The following TTC3 variants were observed in gnomAD, a reference collection of about 807,000 sequenced individuals.
TTC3 encodes E3 ubiquitin-protein ligase TTC3.
Under a neutral mutation model 249.6 loss-of-function variants are expected in TTC3, and 180 were observed. The ratio of observed to expected loss-of-function variants is 0.72; its 90% CI spans 0.64 to 0.82. The LOEUF (loss-of-function observed/expected upper bound fraction) is 0.82, where lower values mean the gene tolerates loss of function less well. TTC3 is among the 40% of genes least tolerant of loss of function. The pLI, the probability that TTC3 is intolerant of heterozygous loss-of-function variation, is 0.00. For missense variants in TTC3, 2,061 were observed against 2,398.4 expected, an observed-to-expected ratio of 0.86 and a Z score of 2.94; for synonymous variants, 717 against 805.0, an observed-to-expected ratio of 0.89 and a Z score of 1.85.
chr21:37,150,264 G>A (rs2079341155), intron 24 of TTC3, 94 bp downstream of exon 24: 1 of 890,518 alleles, frequency 1.1e-6, no homozygotes. Context: ...ATGTAATTTG[G>A]ATCTTTTCCA....
intron 41 of TTC3, among the ~76,000 whole-genome samples, 191 bp downstream of exon 41, chr21:37,192,404 T>G (rs1217173310): frequency 6.6e-6 from 1 of 152,162 alleles, no homozygotes; most frequent in East Asian, 1.9e-4. Context: ...GATCAGTCTT[T>G]CTACATCTGT....
chr21:37,158,863 C>T (rs1234166042), intron 28 of TTC3, among the ~76,000 whole-genome samples: 1 of 152,102 alleles, frequency 6.6e-6, no homozygotes, highest in African/African-American at 2.4e-5. Context: ...CTGTCCACCC[C>T]ACTTCCCGAG....
intron 44 of TTC3, among the ~76,000 whole-genome samples, chr21:37,199,341 G>T (rs1004222072): frequency 1.3e-5 from 2 of 152,238 alleles, no homozygotes; most frequent in African/African-American, 4.8e-5. Context: ...CCTTCAAGGC[G>T]CTCAGAGTTA....
intron 11 of TTC3, among the ~76,000 whole-genome samples, chr21:37,118,966 G>A (rs1356799148): frequency 1.3e-5 from 2 of 152,020 alleles, no homozygotes; most frequent in Non-Finnish European, 2.9e-5. Context: ...AACACATAGG[G>A]GATAGTTATA....
chr21:37,193,145 C>T (rs886323105), intron 41 of TTC3, among the ~76,000 whole-genome samples: 5 of 152,256 alleles, frequency 3.3e-5, no homozygotes, highest in African/African-American at 1.2e-4. Context: ...TGACTTCCAC[C>T]CTCCCACTAC....
In TTC3 at chr21:37,096,493, A is replaced by C. The variant is rs979804733; in HGVS notation, c.783-88A>C. On this transcript the variant is annotated intron_variant, in intron 9 of 45. Transcript: ENST00000355666. ...CCACACATATGTAAAGTTTAAAAAAAGTTTTCTCATGCCTTATGTTTTCTA... is the reference window on the plus strand; with the variant it reads ...CCACACATATGTAAAGTTTAAAAAACGTTTTCTCATGCCTTATGTTTTCTA... 10 of 1,040,686 alleles carry C rather than the reference A, an allele frequency of 9.6e-6. No individual in the cohort carries two copies. The African/African-American group carries it at 1.6e-4, about 17-fold the overall frequency. The allele number at this position is 1,040,686 out of a possible 1,614,324, so 64.5% of individuals were successfully genotyped here.
At chr21:37,129,663 C>G (rs193268296) in intron 16 of TTC3, among the ~76,000 whole-genome samples, 7 of 152,078 alleles carry the variant, frequency 4.6e-5, no homozygotes, top group African/African-American at 1.7e-4. Context: ...TAGGGTCTTG[C>G]TCTATCACTT....
chr21:37,090,138 A>G, intron 5 of TTC3, 95 bp from the exon 6 acceptor site: 1 of 827,466 alleles, frequency 1.2e-6, no homozygotes, highest in Non-Finnish European at 2.0e-6. Context: ...GAGTACATAT[A>G]GTAGTGTTCC....
chr21:37,188,756 A>T (rs970456853), intron 39 of TTC3, 161 bp downstream of exon 39: 1 of 463,058 alleles, frequency 2.2e-6, no homozygotes, highest in Non-Finnish European at 3.8e-6. Flanking sequence ...AACAAAAATG[A>T]TAAAAATCAT....
At chr21:37,108,565 T>A in intron 11 of TTC3, 119 bp downstream of exon 11, 1 of 951,842 alleles carries the variant, frequency 1.1e-6, no homozygotes, top group Non-Finnish European at 1.6e-6. Context: ...AGCTCCAGAA[T>A]GTGAAAGGGG....
At position 37,115,174 on chromosome 21, in the gene TTC3, TATA is replaced by T. The variant is rs1246754731; in HGVS notation, c.901-6617_901-6615del. On this transcript the variant is annotated intron_variant, in intron 11 of 45. Transcript: ENST00000355666. Reference sequence around the variant, plus strand: ...TGCACATGTACCCTAAAACTTAAAGTATAATAATAATAATAATAATAATAATAA... The same window carrying T: ...TGCACATGTACCCTAAAACTTAAAGTATAATAATAATAATAATAATAATAA... Among the ~76,000 whole-genome samples, 511 of 144,492 alleles carry T rather than the reference TATA, an allele frequency of 3.5e-3. 3 individuals are homozygous for T. The highest frequency in any genetic ancestry group is 9.0e-3 in the African/African-American group (357 of 39,456). 94.8% of individuals were successfully genotyped at this position (144,492 alleles called of 152,430 possible).
In TTC3 at chr21:37,200,343, C is replaced by T; in HGVS notation, c.5943+19C>T. The T allele has an allele frequency of 6.2e-7, 1 of 1,611,234 alleles. No individual in the cohort carries two copies. Among genetic ancestry groups the T allele is most frequent in the East Asian group, 2.2e-5 (1 of 44,848 alleles). On this transcript the variant is annotated intron_variant, in intron 45 of 45. Coordinates refer to ENST00000355666, the Ensembl canonical transcript of TTC3. ...CAAAGGGGTAAGAGCTCTTTTTGGC[C>T]ATCCTTACAGCATGCATTGGGACCT...
intron 1 of TTC3, among the ~76,000 whole-genome samples, chr21:37,078,102 C>A (rs527962727): frequency 9.2e-5 from 14 of 151,996 alleles, no homozygotes; most frequent in African/African-American, 3.4e-4. Flanking sequence ...TGAATTGGCC[C>A]TCTGTTCACC....
intron 22 of TTC3, 44 bp downstream of exon 22, chr21:37,147,647 T>G: frequency 6.4e-7 from 1 of 1,562,918 alleles, no homozygotes; most frequent in Non-Finnish European, 8.6e-7. Context: ...GCAAAATCAT[T>G]TCTTAAAATG....
chr21:37,080,120 C>T lies in TTC3; in HGVS notation c.-12+6756C>T, dbSNP rs192060272. On this transcript the variant is annotated intron_variant, in intron 1 of 45. Coordinates refer to ENST00000355666, the Ensembl canonical transcript of TTC3. ...ACTTAATATTAATTTTCAACCATTC[C>T]GATTTCCTAGTATAAGCATGCAAGA... Among the ~76,000 whole-genome samples the T allele has an allele frequency of 4.9e-3, 745 of 151,740 alleles. 9 individuals are homozygous for T. The highest frequency in any genetic ancestry group is 0.017 in the African/African-American group (696 of 41,400).
intron 35 of TTC3, among the ~76,000 whole-genome samples, chr21:37,180,994 T>C (rs1450035511): frequency 6.6e-6 from 1 of 152,220 alleles, no homozygotes. Context: ...AACTGTAATA[T>C]AGCAGATACA....
In TTC3 at chr21:37,096,658, A is replaced by C. The variant is rs2835600; in HGVS notation, c.845+15A>C. The C allele has an allele frequency of 3.1e-6, 5 of 1,594,800 alleles. No individual in the cohort carries two copies. The African/African-American group carries it at 6.7e-5, about 21-fold the overall frequency. ...GGACAGTTTAGGTAAGTTGGTTAAAATATCTCAACCACTGAATTATTATGC... is the reference window on the plus strand; with the variant it reads ...GGACAGTTTAGGTAAGTTGGTTAAACTATCTCAACCACTGAATTATTATGC... On this transcript the variant is annotated intron_variant, in intron 10 of 45. Coordinates refer to ENST00000355666, the Ensembl canonical transcript of TTC3.
At chr21:37,195,605 C>A in intron 41 of TTC3, 70 bp from the exon 42 acceptor site, 1 of 1,521,778 alleles carries the variant, frequency 6.6e-7, no homozygotes, top group East Asian at 2.3e-5. Flanking sequence ...ATTCATCGGC[C>A]TTTGTCCTTG....
intron 10 of TTC3, among the ~76,000 whole-genome samples, chr21:37,100,513 C>T (rs1398278335): frequency 8.9e-6 from 1 of 112,164 alleles, no homozygotes; most frequent in Non-Finnish European, 2.1e-5. Flanking sequence ...CAGATGCTTC[C>T]TTCTGGTGGC....
Sources: allele counts gnomAD v4.1 joint callset (sites outside exome capture counted in the v4.1 genomes callset), GRCh38; gene constraint gnomAD v4.1.1; transcripts MANE v1.5; gene names NCBI Gene and HGNC (gene_info 2026-07-23, HGNC 2026-07-21).